TAOK3: variants seen among roughly 807,000 people sequenced by gnomAD.
TAOK3 encodes TAO kinase 3, also known as serine/threonine-protein kinase TAO3.
TAOK3 carries 40 observed loss-of-function variants against 120.4 expected under a neutral mutation model. That is an observed-to-expected ratio of 0.33 (90% confidence interval 0.26 to 0.43). The LOEUF (loss-of-function observed/expected upper bound fraction) is 0.43, where lower values mean the gene tolerates loss of function less well. Ranked by LOEUF, TAOK3 falls within the 20% of genes least tolerant of loss-of-function variation. The probability of loss-of-function intolerance (pLI) is 1.00; values close to 1 mark genes in which losing one functional copy is unlikely to be tolerated. For synonymous variants in TAOK3, 355 were observed against 387.5 expected (o/e 0.92, Z 0.99); for missense variants, 821 against 1,112.1 (o/e 0.74, Z 3.72).
intron 3 of TAOK3, among the ~76,000 whole-genome samples, chr12:118,247,629 C>G (rs576369852): frequency 6.6e-6 from 1 of 152,174 alleles, no homozygotes; most frequent in African/African-American, 2.4e-5. Context: ...ATCTTCCCAC[C>G]ACAGCCTCTT....
At chr12:118,348,588 C>T (rs1174081215) in intron 1 of TAOK3, among the ~76,000 whole-genome samples, 3 of 151,528 alleles carry the variant, frequency 2.0e-5, no homozygotes, top group African/African-American at 4.8e-5. Flanking sequence ...GTAGCTCGGA[C>T]TACAGGTGCC....
chr12:118,327,611 C>G (rs2043985581), intron 1 of TAOK3, among the ~76,000 whole-genome samples: 1 of 152,146 alleles, frequency 6.6e-6, no homozygotes, highest in South Asian at 2.1e-4. Context: ...TCCTTGGAGA[C>G]TGGTTCTCAA....
rs753169369 is a variant in TAOK3 at position 118,213,029 on chromosome 12, C to G, written c.738-34G>C. On this transcript the variant is annotated intron_variant, in intron 10 of 20. Transcript: ENST00000392533. ...GCAAATACACAAAAGAAAATAAACT[C>G]AGGGTCTGTAGAGCACACTGATTAC... 37 of 1,475,960 alleles carry G rather than the reference C, an allele frequency of 2.5e-5. 1 individual carries two copies. The Middle Eastern group carries it at 1.6e-3, about 64-fold the overall frequency. 91.4% of individuals were successfully genotyped at this position (1,475,960 alleles called of 1,614,324 possible). A position where few individuals can be genotyped will look rare whatever the true frequency, so the allele number is the denominator to read the frequency against.
intron 5 of TAOK3, 65 bp from the exon 6 acceptor site, chr12:118,239,337 A>T: frequency 6.6e-6 from 6 of 902,358 alleles, no homozygotes; most frequent in Non-Finnish European, 1.1e-5. Flanking sequence ...GAAACCAACT[A>T]AACAACCAAT....
chr12:118,178,311 T>C (rs1205589421), intron 15 of TAOK3, among the ~76,000 whole-genome samples: 4 of 152,328 alleles, frequency 2.6e-5, no homozygotes, highest in South Asian at 4.1e-4. Flanking sequence ...ATATTGTTGA[T>C]AGCCCAAAGG....
chr12:118,179,643 G>GC (rs1462783056), intron 15 of TAOK3, among the ~76,000 whole-genome samples: 11 of 123,640 alleles, frequency 8.9e-5, no homozygotes, highest in African/African-American at 3.3e-4. Flanking sequence ...TTACCCTTCT[G>GC]TTTTTTTTTT....
intron 1 of TAOK3, among the ~76,000 whole-genome samples, chr12:118,352,712 T>G (rs1447321873): frequency 6.6e-6 from 1 of 152,060 alleles, no homozygotes; most frequent in Non-Finnish European, 1.5e-5. Context: ...TTACTGATCT[T>G]ATCTTATTTA....
intron 14 of TAOK3, among the ~76,000 whole-genome samples, chr12:118,183,953 G>C (rs2036921220): frequency 6.6e-6 from 1 of 152,188 alleles, no homozygotes; most frequent in Non-Finnish European, 1.5e-5. Flanking sequence ...AGATAAAAGG[G>C]AAATGAGTTG....
chr12:118,349,676 G>C (rs1393490222), intron 1 of TAOK3, among the ~76,000 whole-genome samples: 8 of 152,132 alleles, frequency 5.3e-5, no homozygotes. Flanking sequence ...AGATAGTGGT[G>C]AGGTTAGATA....
intron 1 of TAOK3, among the ~76,000 whole-genome samples, chr12:118,272,227 A>G (rs2041729736): frequency 6.8e-6 from 1 of 146,268 alleles, no homozygotes; most frequent in Non-Finnish European, 1.5e-5. Context: ...CAGGAGGCAG[A>G]GGTTGCAGTG....
chr12:118,305,980 T>G (rs1163284565), intron 1 of TAOK3, among the ~76,000 whole-genome samples: 10 of 152,074 alleles, frequency 6.6e-5, no homozygotes, highest in East Asian at 3.8e-4. Flanking sequence ...GAGGTTAGTC[T>G]TCTTCTGTCA....
intron 1 of TAOK3, among the ~76,000 whole-genome samples, chr12:118,303,700 T>G (rs948134248): frequency 1.3e-5 from 2 of 152,184 alleles, no homozygotes; most frequent in Non-Finnish European, 2.9e-5. Context: ...CAGGCTGGAG[T>G]GCAATGGCAT....
intron 11 of TAOK3, among the ~76,000 whole-genome samples, chr12:118,203,223 A>G (rs2038121493): frequency 6.6e-6 from 1 of 152,148 alleles, no homozygotes; most frequent in South Asian, 2.1e-4. Context: ...CAATTTATCC[A>G]GAGGTCAAAA....
At position 118,150,135 on chromosome 12, in the gene TAOK3, A is replaced by C. The variant is rs2138120409; in HGVS notation, c.*862T>G. On this transcript the variant is annotated 3_prime_UTR_variant, in exon 21 of 21. Coordinates refer to ENST00000392533, the MANE Select transcript of TAOK3 (RefSeq NM_016281.4). ...CAGGAGGAGGAAGTAAAAAAATTTGATCAGAGAAACAGTTAAAATACAATA... is the reference window on the plus strand; with the variant it reads ...CAGGAGGAGGAAGTAAAAAAATTTGCTCAGAGAAACAGTTAAAATACAATA... 1.3e-5 allele frequency: 2 copies of C among 152,676 alleles called. No homozygotes were observed. The highest frequency in any genetic ancestry group is 6.8e-3 in the Middle Eastern group (2 of 294). 9.5% of individuals were successfully genotyped at this position (152,676 alleles called of 1,614,324 possible).
chr12:118,190,522 TCG>T (rs1242567396), intron 13 of TAOK3: 2 of 152,542 alleles, frequency 1.3e-5, no homozygotes, highest in African/African-American at 4.8e-5. Flanking sequence ...CCAGTCATGA[TCG>T]TACACAGTTC....
intron 1 of TAOK3, among the ~76,000 whole-genome samples, chr12:118,348,160 A>C (rs1394169268): frequency 6.6e-6 from 1 of 152,044 alleles, no homozygotes; most frequent in Non-Finnish European, 1.5e-5. Flanking sequence ...CTCCATCTCC[A>C]TGTTACCCCA....
chr12:118,162,988 G>T (rs768785272), intron 17 of TAOK3, among the ~76,000 whole-genome samples: 20 of 152,110 alleles, frequency 1.3e-4, no homozygotes, highest in Non-Finnish European at 2.5e-4. Context: ...ACTCCAACAG[G>T]GAAGTGCACT....
At chr12:118,189,520 A>G (rs1233753063) in intron 14 of TAOK3, among the ~76,000 whole-genome samples, 4 of 128,604 alleles carry the variant, frequency 3.1e-5, no homozygotes, top group Admixed American at 8.8e-5. Context: ...GCATATACAA[A>G]CACACACAGA....
In TAOK3 at chr12:118,172,523, A is replaced by G. The variant is rs372292203; in HGVS notation, c.1833T>C (p.Asn611=). ...TTATTTTCCGCTTGAAGAAACGACAATTTTTGTCGTAGTACAGTCTCTGTT... is the reference window on the plus strand; with the variant it reads ...TTATTTTCCGCTTGAAGAAACGACAGTTTTTGTCGTAGTACAGTCTCTGTT... ...LTQQRLYYDK[N]CRFFKRKIMI... The change falls in exon 17 of 21, where the codon AAT becomes AAC. Residue 611 remains asparagine, a synonymous_variant. Transcript: ENST00000392533. The G allele has an allele frequency of 3.4e-5, 55 of 1,613,792 alleles. No homozygotes were observed. Among genetic ancestry groups the G allele is most frequent in the South Asian group, 9.9e-5 (9 of 91,076 alleles).
Sources: allele counts gnomAD v4.1 joint callset (sites outside exome capture counted in the v4.1 genomes callset), GRCh38; gene constraint gnomAD v4.1.1; transcripts MANE v1.5; gene names NCBI Gene and HGNC (gene_info 2026-07-23, HGNC 2026-07-21).